MSL2: variants seen among roughly 807,000 people sequenced by gnomAD.
MSL2 encodes the protein E3 ubiquitin-protein ligase MSL2.
MSL2 carries 2 observed loss-of-function variants against 35.8 expected under a neutral mutation model. The ratio of observed to expected loss-of-function variants is 0.06; its 90% CI spans 0.02 to 0.18. The LOEUF is 0.18. MSL2 is among the 10% of genes least tolerant of loss of function. The pLI, the probability that MSL2 is intolerant of heterozygous loss-of-function variation, is 1.00. For missense variants in MSL2, 523 were observed against 706.7 expected (o/e 0.74, Z 2.95); for synonymous variants, 296 against 255.7 (o/e 1.16, Z -1.50).
intron 1 of MSL2, among the ~76,000 whole-genome samples, chr3:136,185,659 C>G (rs1940499821): frequency 6.6e-6 from 1 of 151,922 alleles, no homozygotes; most frequent in Non-Finnish European, 1.5e-5. Context: ...GTGCGCACCA[C>G]CACGCCCGGC....
rs1939516286 is a variant in MSL2 at position 136,156,191 on chromosome 3, A to G, written c.143-3453T>C. 2.0e-5 allele frequency among the ~76,000 whole-genome samples: 3 copies of G among 152,340 alleles called. No homozygotes were observed. The South Asian group carries it at 6.2e-4, about 32-fold the overall frequency. On this transcript the variant is annotated intron_variant, in intron 1 of 1. Coordinates refer to ENST00000309993, the MANE Select transcript of MSL2 (RefSeq NM_018133.4). Reference sequence around the variant, plus strand: ...AACTGAATTATATCTTCAGATTATTAAAGATTAATCCTAATGCGAAACTTA... The same window carrying G: ...AACTGAATTATATCTTCAGATTATTGAAGATTAATCCTAATGCGAAACTTA...
chr3:136,184,654 G>A lies in MSL2; in HGVS notation c.142+10318C>T, dbSNP rs142658773. On this transcript the variant is annotated intron_variant, in intron 1 of 1. Transcript: ENST00000309993. ...ATTCCATGGTTCTGAACAACCTCCAGCGTACAAGAAGGGGCCTGGATAAAT... is the reference window on the plus strand; with the variant it reads ...ATTCCATGGTTCTGAACAACCTCCAACGTACAAGAAGGGGCCTGGATAAAT... 7.4e-3 allele frequency among the ~76,000 whole-genome samples: 1,089 copies of A among 147,754 alleles called. 10 individuals are homozygous for A. The highest frequency in any genetic ancestry group is 0.018 in the Middle Eastern group (5 of 284).
At position 136,168,765 on chromosome 3, in the gene MSL2, A is replaced by G. The variant is rs149478119; in HGVS notation, c.143-16027T>C. 4.4e-3 allele frequency among the ~76,000 whole-genome samples: 674 copies of G among 152,202 alleles called. 4 individuals are homozygous for G. The highest frequency in any genetic ancestry group is 0.015 in the African/African-American group (640 of 41,532). ...AACTTGAGTATAATAATAAAAAAAA[A>G]AAACTCACCAAAGTTTTTAAATATT... On this transcript the variant is annotated intron_variant, in intron 1 of 1. Coordinates refer to ENST00000309993, the MANE Select transcript of MSL2 (RefSeq NM_018133.4).
At chr3:136,175,500 G>A (rs530482873) in intron 1 of MSL2, among the ~76,000 whole-genome samples, 13 of 151,988 alleles carry the variant, frequency 8.6e-5, no homozygotes, top group African/African-American at 3.1e-4. Context: ...AGCCTAAGCA[G>A]CATAGTGAAA....
intron 1 of MSL2, among the ~76,000 whole-genome samples, chr3:136,175,112 G>A (rs1239521722): frequency 5.9e-5 from 9 of 152,036 alleles, no homozygotes; most frequent in Admixed American, 2.0e-4. Context: ...TTGGGAGGCC[G>A]AGGCAGGTGG....
intron 1 of MSL2, among the ~76,000 whole-genome samples, chr3:136,164,881 CTTTTTT>C (rs397764663): frequency 6.8e-6 from 1 of 147,456 alleles, no homozygotes; most frequent in Admixed American, 6.8e-5. Flanking sequence ...CACCTTCAGA[CTTTTTT>C]TTTTTGAGTC....
In MSL2 at chr3:136,187,965, G is replaced by A. The variant is rs192067484; in HGVS notation, c.142+7007C>T. ...TTTTAAAAAAAAGAAAGAAAGAAAC[G>A]GGTCTACAGGGTGAATGTCACATTC... On this transcript the variant is annotated intron_variant, in intron 1 of 1. Coordinates refer to ENST00000309993, the MANE Select transcript of MSL2 (RefSeq NM_018133.4). Among the ~76,000 whole-genome samples the A allele has an allele frequency of 2.6e-5, 4 of 152,154 alleles. No individual in the cohort carries two copies. In the East Asian group the frequency reaches 7.7e-4, roughly 29 times the overall value.
Position 136,150,473 on chromosome 3 carries a change from G to T in MSL2, c.*674C>A, listed in dbSNP as rs1939324324. ...TAGAACACTGCTCAAAGTGAAGGAG[G>T]GATTTAGAATTTCTTCCCTAGAAAT... is the stretch of plus-strand genomic sequence containing the variant. On this transcript the variant is annotated 3_prime_UTR_variant, in exon 2 of 2. Transcript: ENST00000309993. The T allele has an allele frequency of 6.6e-6, 1 of 152,560 alleles. No homozygotes were observed. Among genetic ancestry groups the T allele is most frequent in the South Asian group, 2.1e-4 (1 of 4,826 alleles). 9.5% of individuals were successfully genotyped at this position (152,560 alleles called of 1,614,324 possible).
intron 1 of MSL2, chr3:136,153,041 G>A (rs1939417388): frequency 2.0e-6 from 2 of 985,276 alleles, no homozygotes; most frequent in Non-Finnish European, 2.4e-6. Context: ...TAAAGTTAAA[G>A]AGGTGAAGAT....
chr3:136,193,951 G>A (rs542643701), intron 1 of MSL2, among the ~76,000 whole-genome samples: 1 of 152,264 alleles, frequency 6.6e-6, no homozygotes, highest in African/African-American at 2.4e-5. Flanking sequence ...AACCTCAAAT[G>A]AATATTATTT....
At chr3:136,176,534 A>C (rs1940187343) in intron 1 of MSL2, among the ~76,000 whole-genome samples, 3 of 151,278 alleles carry the variant, frequency 2.0e-5, no homozygotes, top group South Asian at 2.1e-4. Context: ...AAAAAAAAAA[A>C]AAAACTTTTC....
chr3:136,162,302 G>C (rs928579130), intron 1 of MSL2, among the ~76,000 whole-genome samples: 1 of 150,240 alleles, frequency 6.7e-6, no homozygotes, highest in African/African-American at 2.4e-5. Context: ...GGGCTACCAG[G>C]CCAGGTGTGG....
At position 136,195,478 on chromosome 3, in the gene MSL2, C is replaced by A; in HGVS notation, c.-365G>T. The A allele has an allele frequency of 9.8e-7, 1 of 1,020,310 alleles. No individual in the cohort carries two copies. The highest frequency in any genetic ancestry group is 1.2e-6 in the Non-Finnish European group (1 of 852,274). 63.2% of individuals were successfully genotyped at this position (1,020,310 alleles called of 1,614,324 possible). A position where few individuals can be genotyped will look rare whatever the true frequency, so the allele number is the denominator to read the frequency against. ...GGCGGCCTGCACTCGAGCTCCATCT[C>A]CGGACACGGAGGCGCCTCCTCAAGT... On this transcript the variant is annotated 5_prime_UTR_variant, in exon 1 of 2. Transcript: ENST00000309993.
rs923646810 is a variant in MSL2 at position 136,150,955 on chromosome 3, A to G, written c.*192T>C. ...GAGGTTCTGTAAGAACTAAGGACAT[A>G]TAGTTGTAGGGTTACTCCTCCATTA... is the stretch of plus-strand genomic sequence containing the variant. On this transcript the variant is annotated 3_prime_UTR_variant, in exon 2 of 2. Transcript: ENST00000309993. The G allele has an allele frequency of 3.4e-6, 2 of 592,876 alleles. No homozygotes were observed. The highest frequency in any genetic ancestry group is 5.9e-6 in the Non-Finnish European group (2 of 339,122). The allele number at this position is 592,876 out of a possible 1,614,324, so 36.7% of individuals were successfully genotyped here.
At chr3:136,154,000 T>G (rs1230822412) in intron 1 of MSL2, among the ~76,000 whole-genome samples, 1 of 151,786 alleles carries the variant, frequency 6.6e-6, no homozygotes, top group African/African-American at 2.4e-5. Flanking sequence ...GGAGAATCCC[T>G]TGAACCCAGG....
rs1297610179 is a variant in MSL2, at chr3:136,151,886, G to A, written c.995C>T (p.Thr332Ile). ...TCTATTCAATTTTGCTATCTTCGGA[G>A]TTGCTGCTGTACATGATAACCCATG... Reference protein sequence around the residue: ...ALHGLSCTAATPKIAKLNRKR... With the variant: ...ALHGLSCTAAIPKIAKLNRKR... Residue 332 changes from threonine to isoleucine, a missense_variant, in exon 2 of 2, where the codon ACT becomes ATT. Around this residue, in one of 5 missense-constraint regions of MSL2, gnomAD observed 361 missense variants for 414.6 expected, o/e 0.87. Coordinates refer to ENST00000309993, the MANE Select transcript of MSL2 (RefSeq NM_018133.4). This position sits in a 1 kb window ranked among gnomAD's most constrained non-coding sequence, Gnocchi z 5.2. 3.7e-6 allele frequency: 6 copies of A among 1,614,188 alleles called. No individual in the cohort carries two copies. Among genetic ancestry groups the A allele is most frequent in the Non-Finnish European group, 5.1e-6 (6 of 1,180,044 alleles).
chr3:136,154,116 G>A (rs7372313), intron 1 of MSL2, among the ~76,000 whole-genome samples: 1 of 150,578 alleles, frequency 6.6e-6, no homozygotes, highest in African/African-American at 2.4e-5. Context: ...GTTTCAGTAG[G>A]AGAGAACTAT....
intron 1 of MSL2, among the ~76,000 whole-genome samples, chr3:136,170,183 A>C (rs1204067960): frequency 6.6e-6 from 1 of 151,360 alleles, no homozygotes; most frequent in East Asian, 2.0e-4. Flanking sequence ...CTCTACTTAA[A>C]AATATATATA....
intron 1 of MSL2, among the ~76,000 whole-genome samples, chr3:136,167,472 T>A (rs1939883451): frequency 6.6e-6 from 1 of 152,176 alleles, no homozygotes; most frequent in African/African-American, 2.4e-5. Flanking sequence ...ACATTCTGTA[T>A]TTACCACCAG....
Sources: allele counts gnomAD v4.1 joint callset (sites outside exome capture counted in the v4.1 genomes callset), GRCh38; gene constraint gnomAD v4.1.1; regional missense constraint gnomAD v4.1.1; non-coding constraint Gnocchi (gnomAD v3.1); transcripts MANE v1.5; gene names NCBI Gene and HGNC (gene_info 2026-07-23, HGNC 2026-07-21).